Variants in ERICH1 observed in about 807,000 individuals in gnomAD.
The protein encoded by ERICH1 is glutamate-rich protein 1.
Under a neutral mutation model 39.6 loss-of-function variants are expected in ERICH1, and 56 were observed. The ratio of observed to expected loss-of-function variants is 1.41; its 90% confidence interval spans 1.14 to 1.77. ERICH1 has a LOEUF of 1.77. ERICH1 is among the 40% of genes most tolerant of loss of function. The pLI is 0.00. For missense variants in ERICH1, 826 were observed against 575.4 expected (o/e 1.44, Z -4.45); for synonymous variants, 313 against 223.6 (o/e 1.40, Z -3.57).
chr8:668,979 C>T (rs1005133210), intron 4 of ERICH1, 187 bp from the exon 5 acceptor site: 26 of 612,842 alleles, frequency 4.2e-5, no homozygotes, highest in South Asian at 6.3e-5. Flanking sequence ...ACTGCATGAA[C>T]GACTGTGGAA....
intron 3 of ERICH1, among the ~76,000 whole-genome samples, chr8:681,577 C>T (rs1806123529): frequency 6.6e-6 from 1 of 152,210 alleles, no homozygotes; most frequent in Admixed American, 6.5e-5. Flanking sequence ...CTCCACCTAA[C>T]ATAGACAGAG....
chr8:708,711 T>TTTTTTA (rs1585554466), intron 2 of ERICH1, among the ~76,000 whole-genome samples: 1 of 135,258 alleles, frequency 7.4e-6, no homozygotes, highest in African/African-American at 2.8e-5. Context: ...TTTTTTTTTT[T>TTTTTTA]GAGACAGGGT....
intron 3 of ERICH1, among the ~76,000 whole-genome samples, chr8:629,845 C>G (rs1797866227): frequency 7.1e-6 from 1 of 140,102 alleles, no homozygotes; most frequent in African/African-American, 3.0e-5. Flanking sequence ...CACACACCCT[C>G]CCGTGACCAC....
chr8:674,176 T>C (rs1394239611), intron 3 of ERICH1, 129 bp from the exon 4 acceptor site: 3 of 1,098,142 alleles, frequency 2.7e-6, no homozygotes, highest in African/African-American at 1.6e-5. Context: ...TTTACTTCGG[T>C]GATTCTCAAC....
At chr8:702,534 G>A (rs551817858) in intron 2 of ERICH1, among the ~76,000 whole-genome samples, 2 of 152,284 alleles carry the variant, frequency 1.3e-5, no homozygotes, top group East Asian at 1.9e-4. Context: ...CAGCCAAGAC[G>A]GAAAAGTCTT....
intron 2 of ERICH1, among the ~76,000 whole-genome samples, chr8:703,117 T>G (rs1419237886): frequency 6.6e-6 from 1 of 152,210 alleles, no homozygotes; most frequent in Non-Finnish European, 1.5e-5. Context: ...GGGCCTCTCG[T>G]GTCCCCCTGT....
chr8:690,330 TC>T (rs1226621231), intron 3 of ERICH1, among the ~76,000 whole-genome samples: 2 of 152,240 alleles, frequency 1.3e-5, no homozygotes, highest in Non-Finnish European at 2.9e-5. Context: ...ACTTAGGTCT[TC>T]CTGTCCTGGC....
At chr8:631,139 G>A (rs915401211) in intron 3 of ERICH1, among the ~76,000 whole-genome samples, 1 of 152,262 alleles carries the variant, frequency 6.6e-6, no homozygotes, top group Non-Finnish European at 1.5e-5. Flanking sequence ...ACATGAGGCA[G>A]AGGTGACTCA....
chr8:619,439 T>C (rs950493896), intron 3 of ERICH1, among the ~76,000 whole-genome samples: 7 of 152,230 alleles, frequency 4.6e-5, no homozygotes, highest in Non-Finnish European at 8.8e-5. Flanking sequence ...ACATTATTTG[T>C]ATTATAACAT....
chr8:629,710 A>G (rs1409606110), intron 3 of ERICH1, among the ~76,000 whole-genome samples: 6 of 145,748 alleles, frequency 4.1e-5, no homozygotes, highest in African/African-American at 8.1e-5. Flanking sequence ...CCACCCACAC[A>G]GACAGAGCTG....
intron 3 of ERICH1, chr8:616,414 G>C: frequency 2.5e-6 from 1 of 404,458 alleles, no homozygotes; most frequent in Non-Finnish European, 5.0e-6. Flanking sequence ...GTGTGAGGCT[G>C]ACCGAACCCC....
intron 3 of ERICH1, among the ~76,000 whole-genome samples, chr8:628,021 G>A (rs994710008): frequency 2.6e-5 from 4 of 152,192 alleles, no homozygotes; most frequent in African/African-American, 7.2e-5. Flanking sequence ...GCCTTCCTGA[G>A]GAGTGAGAAG....
In ERICH1 at chr8:648,992, G is replaced by C. The variant is rs1374606217; in HGVS notation, c.976+19606C>G. ...CATATTTTTAAGTGGATTAGTTCCAGTGGGTGTGTTCAGGGATATTTGCAT... is the reference window on the plus strand; with the variant it reads ...CATATTTTTAAGTGGATTAGTTCCACTGGGTGTGTTCAGGGATATTTGCAT... On this transcript the variant is annotated intron_variant, in intron 3 of 3. Coordinates refer to the ERICH1 transcript ENST00000522706. Among the ~76,000 whole-genome samples, 6 of 69,216 alleles carry C rather than the reference G, an allele frequency of 8.7e-5. 2 individuals are homozygous for C. The highest frequency in any genetic ancestry group is 2.2e-4 in the African/African-American group (6 of 27,490). The allele number at this position is 69,216 out of a possible 152,430, so 45.4% of individuals were successfully genotyped here.
chr8:620,729 A>G (rs1375707791), intron 3 of ERICH1, among the ~76,000 whole-genome samples: 1 of 152,242 alleles, frequency 6.6e-6, no homozygotes, highest in Non-Finnish European at 1.5e-5. Flanking sequence ...GATAAATGTT[A>G]ACATAACAAT....
At chr8:728,452 C>G (rs1819299518) in intron 1 of ERICH1, among the ~76,000 whole-genome samples, 1 of 152,202 alleles carries the variant, frequency 6.6e-6, no homozygotes, top group Non-Finnish European at 1.5e-5. Flanking sequence ...CAGCAGGCCC[C>G]TTCCTCGAGG....
At chr8:634,160 C>T in intron 3 of ERICH1, among the ~76,000 whole-genome samples, 1 of 63,610 alleles carries the variant, frequency 1.6e-5, no homozygotes, top group Non-Finnish European at 3.0e-5. Flanking sequence ...TAGAGAACTC[C>T]TAAAACTCAA....
chr8:616,414 G>A (rs1796899972), intron 3 of ERICH1: 2 of 404,458 alleles, frequency 4.9e-6, no homozygotes, highest in Non-Finnish European at 1.0e-5. Context: ...GTGTGAGGCT[G>A]ACCGAACCCC....
chr8:630,989 C>T (rs915386210), intron 3 of ERICH1, among the ~76,000 whole-genome samples: 4 of 151,534 alleles, frequency 2.6e-5, no homozygotes, highest in Non-Finnish European at 5.9e-5. Flanking sequence ...TGACTCACAA[C>T]CTCCTATGAG....
chr8:713,192 C>G (rs968087404), intron 2 of ERICH1, among the ~76,000 whole-genome samples: 1 of 152,226 alleles, frequency 6.6e-6, no homozygotes, highest in Non-Finnish European at 1.5e-5. Flanking sequence ...CTTCATTGAC[C>G]CTTAATCAAC....
Sources: allele counts gnomAD v4.1 joint callset (sites outside exome capture counted in the v4.1 genomes callset), GRCh38; gene constraint gnomAD v4.1.1; transcripts MANE v1.5; gene names NCBI Gene and HGNC (gene_info 2026-07-23, HGNC 2026-07-21).